EFHC2: variants seen among roughly 807,000 people sequenced by gnomAD.
EFHC2 encodes the protein EF-hand domain-containing family member C2.
EFHC2 carries 18 observed loss-of-function variants against 52.7 expected under a neutral mutation model. The ratio of observed to expected loss-of-function variants is 0.34; its 90% CI spans 0.24 to 0.51. The LOEUF (loss-of-function observed/expected upper bound fraction) is 0.51. EFHC2 is among the 20% of genes least tolerant of loss of function. The pLI is 0.97. For synonymous variants in EFHC2, 203 were observed against 204.1 expected, an observed-to-expected ratio of 0.99 and a Z score of 0.04; for missense variants, 513 against 562.5, an observed-to-expected ratio of 0.91 and a Z score of 0.89.
At position 44,319,000 on chromosome X, in the gene EFHC2, G is replaced by T. The variant is rs1026420506; in HGVS notation, c.43-6244C>A. ...GAAGGGGGAAGGTCTGAAGGCAAAA[G>T]ACTTTTTTTTTTTTTTTTTTGAGAC... is the stretch of plus-strand genomic sequence containing the variant. On this transcript the variant is annotated intron_variant, in intron 1 of 14. Transcript: ENST00000420999. Among the ~76,000 whole-genome samples, 4 of 101,073 alleles carry T rather than the reference G, an allele frequency of 4.0e-5. No individual in the cohort carries two copies. The East Asian group carries it at 1.2e-3, about 31-fold the overall frequency. 87.8% of individuals were successfully genotyped at this position (101,073 alleles called of 115,157 possible).
chrX:44,305,364 T>C (rs939245718), intron 2 of EFHC2, among the ~76,000 whole-genome samples: 1 of 112,422 alleles, frequency 8.9e-6, no homozygotes, highest in African/African-American at 3.2e-5. Context: ...GTATTACTGA[T>C]TTTTCCTTTT....
chrX:44,314,764 TA>T (rs1341259286), intron 1 of EFHC2, among the ~76,000 whole-genome samples: 1 of 111,622 alleles, frequency 9.0e-6, no homozygotes, highest in African/African-American at 3.3e-5. Flanking sequence ...TACTGTCTCC[TA>T]AAGCAAGTAA....
At chrX:44,306,321 G>A (rs1026577984) in intron 2 of EFHC2, among the ~76,000 whole-genome samples, 14 of 111,244 alleles carry the variant, frequency 1.3e-4, no homozygotes, top group African/African-American at 4.3e-4. Flanking sequence ...AGTTTGGTTC[G>A]GTAACACTAG....
Position 44,148,844 on chromosome X carries a change from A to G in EFHC2, c.2201T>C (p.Ile734Thr). ...GTCCTTCAAAAAGGTCCAGTAGTCAATGTATTTCGCAGGAATAGGTGATGG... is the reference window on the plus strand; with the variant it reads ...GTCCTTCAAAAAGGTCCAGTAGTCAGTGTATTTCGCAGGAATAGGTGATGG... Reference protein sequence around the residue: ...GMPSPIPAKYIDYWTFLKDAF... With the variant: ...GMPSPIPAKYTDYWTFLKDAF... The change falls in exon 15 of 15, where the codon ATT (isoleucine) becomes ACT (threonine). Residue 734 changes from isoleucine to threonine, a missense_variant. Physicochemically the swap from Ile to Thr is moderately conservative, Grantham distance 89. Coordinates refer to ENST00000420999, the MANE Select transcript of EFHC2 (RefSeq NM_025184.4). 1 of 1,188,226 alleles carries G rather than the reference A, an allele frequency of 8.4e-7. No individual in the cohort carries two copies. Among genetic ancestry groups the G allele is most frequent in the Non-Finnish European group, 1.1e-6 (1 of 882,861 alleles).
At chrX:44,292,634 C>T (rs2037800576) in intron 2 of EFHC2, among the ~76,000 whole-genome samples, 2 of 111,438 alleles carry the variant, frequency 1.8e-5, no homozygotes, top group Admixed American at 9.5e-5. Context: ...GTGTACCCAC[C>T]CAAATTTCAT....
chrX:44,326,044 C>A (rs1238384807), intron 1 of EFHC2, among the ~76,000 whole-genome samples: 3 of 108,269 alleles, frequency 2.8e-5, no homozygotes, highest in Non-Finnish European at 5.7e-5. Flanking sequence ...CAGGTACACA[C>A]TACCACACCC....
At chrX:44,166,910 T>A (rs12557505) in intron 13 of EFHC2, among the ~76,000 whole-genome samples, 12,563 of 111,341 alleles carry the variant, frequency 0.11, 697 homozygotes, top group African/African-American at 0.21. Flanking sequence ...CTCATCTGGA[T>A]TATAGCAATA....
At chrX:44,197,370 A>G (rs1457283020) in intron 11 of EFHC2, among the ~76,000 whole-genome samples, 5 of 112,110 alleles carry the variant, frequency 4.5e-5, no homozygotes, top group African/African-American at 1.6e-4. Flanking sequence ...TATGCTGGGT[A>G]GCACCAGCCA....
At chrX:44,292,511 CAT>C (rs943964009) in intron 2 of EFHC2, among the ~76,000 whole-genome samples, 22 of 112,007 alleles carry the variant, frequency 2.0e-4, no homozygotes, top group African/African-American at 7.1e-4. Flanking sequence ...CTCAGCCACT[CAT>C]ATGGACAATC....
intron 1 of EFHC2, among the ~76,000 whole-genome samples, chrX:44,339,191 C>CAA (rs58180100): frequency 2.2e-5 from 2 of 90,370 alleles, no homozygotes; most frequent in Non-Finnish European, 2.1e-5. Flanking sequence ...ACTCCATCTC[C>CAA]AAAAAAAAAA....
chrX:44,272,920 T>C, intron 2 of EFHC2, 84 bp from the exon 3 acceptor site: 3 of 847,793 alleles, frequency 3.5e-6, no homozygotes, highest in Non-Finnish European at 4.9e-6. Flanking sequence ...CTGTATACTT[T>C]TTGTTAATAT....
rs1331228917 is a variant in EFHC2 at position 44,148,745 on chromosome X, TGG to T, written c.*48_*49del. On this transcript the variant is annotated 3_prime_UTR_variant, in exon 15 of 15. Coordinates refer to ENST00000420999, the MANE Select transcript of EFHC2 (RefSeq NM_025184.4). ...GAAATTATATCTACTAAAGTAAATG[TGG>T]CAAAATGAGAGAAGTAAATCATAGA... The T allele has an allele frequency of 9.9e-7, 1 of 1,014,799 alleles. No homozygotes were observed. The highest frequency in any genetic ancestry group is 1.9e-5 in the African/African-American group (1 of 52,076). The allele number at this position is 1,014,799 out of a possible 1,213,427, so 83.6% of individuals were successfully genotyped here.
intron 11 of EFHC2, among the ~76,000 whole-genome samples, chrX:44,180,063 G>A (rs73481070): frequency 0.012 from 1,376 of 111,748 alleles, 20 homozygotes; most frequent in African/African-American, 0.043. Context: ...AAGCCAGAAT[G>A]TGAACCCGTG....
chrX:44,172,887 C>T (rs776382519), intron 13 of EFHC2, among the ~76,000 whole-genome samples: 16 of 112,039 alleles, frequency 1.4e-4, no homozygotes, highest in Non-Finnish European at 2.8e-4. Context: ...ATGCTCTGTG[C>T]ATTAATGAAA....
chrX:44,165,330 A>G (rs1480389755), intron 13 of EFHC2, among the ~76,000 whole-genome samples: 1 of 111,855 alleles, frequency 8.9e-6, no homozygotes, highest in Non-Finnish European at 1.9e-5. Context: ...GGAAAGGGGA[A>G]TTCTGTAATT....
intron 3 of EFHC2, among the ~76,000 whole-genome samples, chrX:44,266,749 C>A (rs888323651): frequency 9.0e-6 from 1 of 111,145 alleles, no homozygotes; most frequent in African/African-American, 3.3e-5. Flanking sequence ...CATCTGGCAA[C>A]CTTCCCACCA....
chrX:44,328,722 G>T (rs912619475), intron 1 of EFHC2, among the ~76,000 whole-genome samples: 2 of 111,430 alleles, frequency 1.8e-5, no homozygotes, highest in Non-Finnish European at 3.8e-5. Flanking sequence ...CTGATTGGTT[G>T]CTTTCCACAA....
At chrX:44,316,468 C>A (rs748957724) in intron 1 of EFHC2, among the ~76,000 whole-genome samples, 3 of 111,956 alleles carry the variant, frequency 2.7e-5, no homozygotes, top group African/African-American at 9.7e-5. Flanking sequence ...CATGTGGCAC[C>A]AAAAGCACAA....
intron 14 of EFHC2, among the ~76,000 whole-genome samples, chrX:44,163,263 G>T (rs2036671236): frequency 8.9e-6 from 1 of 111,803 alleles, no homozygotes; most frequent in South Asian, 3.7e-4. Context: ...TTTATCAAGG[G>T]ACTTTCCCAA....
Sources: allele counts gnomAD v4.1 joint callset (sites outside exome capture counted in the v4.1 genomes callset), GRCh38; gene constraint gnomAD v4.1.1; transcripts MANE v1.5; gene names NCBI Gene and HGNC (gene_info 2026-07-23, HGNC 2026-07-21).